The following PAX8 variants were observed in gnomAD, a reference collection of about 807,000 sequenced individuals.
PAX8 encodes the protein paired box 8, also known as paired box protein Pax-8.
PAX8 carries 15 observed loss-of-function variants against 52.4 expected under a neutral mutation model. The observed-to-expected ratio is 0.29, with a 90% confidence interval of 0.19 to 0.44. The LOEUF is 0.44. Ranked by LOEUF, PAX8 falls within the 20% of genes least tolerant of loss-of-function variation. PAX8 has a pLI of 1.00. For missense variants in PAX8, 554 were observed against 602.5 expected (o/e 0.92, Z 0.84); for synonymous variants, 284 against 249.7 (o/e 1.14, Z -1.29).
chr2:113,277,406 A>G (rs995424762), intron 2 of PAX8, among the ~76,000 whole-genome samples: 2 of 152,104 alleles, frequency 1.3e-5, no homozygotes, highest in Admixed American at 6.5e-5. Flanking sequence ...CCTTATTATA[A>G]CAAATGTCCC....
chr2:113,263,143 AC>A (rs1692811709), intron 2 of PAX8: 1 of 152,142 alleles, frequency 6.6e-6, no homozygotes, highest in East Asian at 1.9e-4. Flanking sequence ...CTAATAGCTT[AC>A]CCTCTTTTGG....
At chr2:113,272,724 T>G (rs962461467) in intron 2 of PAX8, 1 of 152,178 alleles carries the variant, frequency 6.6e-6, no homozygotes, top group African/African-American at 2.4e-5. Flanking sequence ...GCAGAATGTG[T>G]TAGCTCCCTC....
intron 2 of PAX8, among the ~76,000 whole-genome samples, chr2:113,254,392 A>G (rs1692029894): frequency 6.6e-6 from 1 of 152,152 alleles, no homozygotes; most frequent in African/African-American, 2.4e-5. Context: ...ACAGGGTGTA[A>G]TGGGGTGGGG....
intron 7 of PAX8, chr2:113,240,968 C>G (rs956310862): frequency 1.1e-5 from 2 of 186,844 alleles, no homozygotes; most frequent in Admixed American, 1.1e-4. Context: ...TGATTCATGT[C>G]GGAGGGGCAG....
intron 2 of PAX8, among the ~76,000 whole-genome samples, chr2:113,261,661 C>G (rs1183291846): frequency 6.6e-6 from 1 of 152,198 alleles, no homozygotes; most frequent in Non-Finnish European, 1.5e-5. Flanking sequence ...CACCTCATGG[C>G]AGAACCAAGA....
intron 9 of PAX8, among the ~76,000 whole-genome samples, chr2:113,233,664 T>G: frequency 1.4e-5 from 2 of 138,766 alleles, no homozygotes; most frequent in Admixed American, 7.6e-5. Flanking sequence ...GGCAACAGAG[T>G]GAGATTCCAT....
intron 10 of PAX8, chr2:113,225,846 G>C (rs1221113974): frequency 1.1e-6 from 1 of 946,896 alleles, no homozygotes; most frequent in African/African-American, 1.8e-5. Context: ...TGGAGACTGG[G>C]ATTTTGATTG....
At chr2:113,247,087 C>G (rs1427292259) in intron 2 of PAX8, among the ~76,000 whole-genome samples, 168 bp from the exon 3 acceptor site, 1 of 152,238 alleles carries the variant, frequency 6.6e-6, no homozygotes, top group African/African-American at 2.4e-5. Context: ...AGTTCTCACT[C>G]CCAAGATGCT....
At chr2:113,249,404 C>G (rs1437864689) in intron 2 of PAX8, among the ~76,000 whole-genome samples, 1 of 152,186 alleles carries the variant, frequency 6.6e-6, no homozygotes, top group Non-Finnish European at 1.5e-5. Context: ...AGCAGTCCAG[C>G]TTTGTCCTCA....
chr2:113,221,842 T>C (rs940790365), intron 10 of PAX8, among the ~76,000 whole-genome samples: 6 of 151,958 alleles, frequency 3.9e-5, no homozygotes, highest in Non-Finnish European at 7.4e-5. Flanking sequence ...TCTCCTTGTC[T>C]AGGAAGTCAA....
At chr2:113,224,910 G>A (rs1478506128) in intron 10 of PAX8, among the ~76,000 whole-genome samples, 6 of 151,622 alleles carry the variant, frequency 4.0e-5, no homozygotes, top group Non-Finnish European at 7.4e-5. Flanking sequence ...GAATAGACAA[G>A]GGAAATCTGT....
At chr2:113,275,093 G>A (rs902166645) in intron 2 of PAX8, 2 of 151,964 alleles carry the variant, frequency 1.3e-5, no homozygotes, top group African/African-American at 4.8e-5. Flanking sequence ...GTCCTTTTGG[G>A]GGTAGACTGA....
chr2:113,264,962 G>A (rs578128577), intron 2 of PAX8, among the ~76,000 whole-genome samples: 51 of 152,326 alleles, frequency 3.3e-4, no homozygotes, highest in Middle Eastern at 3.4e-3. Flanking sequence ...AATAGGCCAC[G>A]GAGGTAGGAG....
chr2:113,266,336 C>T (rs1444990132), intron 2 of PAX8: 1 of 152,196 alleles, frequency 6.6e-6, no homozygotes, highest in African/African-American at 2.4e-5. Flanking sequence ...ACCAGCCTTT[C>T]TGTGTGTGTC....
At chr2:113,218,838 C>G (rs188505994) in intron 11 of PAX8, among the ~76,000 whole-genome samples, 2 of 152,206 alleles carry the variant, frequency 1.3e-5, no homozygotes, top group African/African-American at 4.8e-5. Context: ...GCCCCTTCCC[C>G]CTATGGCTGC....
rs991230011 is a variant in PAX8, at chr2:113,256,652, G to T, written c.26-9733C>A. 9.5e-4 allele frequency among the ~76,000 whole-genome samples: 91 copies of T among 95,414 alleles called. 2 individuals are homozygous for T. The highest frequency in any genetic ancestry group is 3.9e-3 in the African/African-American group (85 of 21,866). The allele number at this position is 95,414 out of a possible 152,430, so 62.6% of individuals were successfully genotyped here. ...TATATGTGTGTGTGTGTGTGTGTGTGTGTATATATATATATAGAATAACAC... is the reference window on the plus strand; with the variant it reads ...TATATGTGTGTGTGTGTGTGTGTGTTTGTATATATATATATAGAATAACAC... On this transcript the variant is annotated intron_variant, in intron 2 of 11. Coordinates refer to ENST00000429538, the MANE Select transcript of PAX8 (RefSeq NM_003466.4).
At chr2:113,272,256 C>T (rs995998507) in intron 2 of PAX8, 1 of 152,186 alleles carries the variant, frequency 6.6e-6, no homozygotes, top group African/African-American at 2.4e-5. Context: ...ACCAGCCAAG[C>T]AAGGTAAAGC....
Position 113,236,688 on chromosome 2 carries a change from G to T in PAX8, c.811C>A (p.Leu271Met). The change falls in exon 8 of 12, where the codon CTG (leucine) becomes ATG (methionine). Residue 271 changes from leucine (L) to methionine (M), a missense_variant. Physicochemically the swap from Leu to Met is conservative, Grantham distance 15 (BLOSUM62 2). Coordinates refer to ENST00000429538, the MANE Select transcript of PAX8 (RefSeq NM_003466.4). The stretch of plus-strand genomic sequence containing the variant: ...GTCAGGGTGGCCTTCCCGTCGTCCA[G>T]GGTGCTGTTGAGCAAGGGCAGCGGG... ...LYPLPLLNST[L>M]DDGKATLTPS... 6.3e-7 allele frequency: 1 copy of T among 1,584,840 alleles called. No homozygotes were observed.
chr2:113,225,158 T>C (rs1689491228), intron 10 of PAX8, among the ~76,000 whole-genome samples: 1 of 152,228 alleles, frequency 6.6e-6, no homozygotes, highest in Admixed American at 6.5e-5. Flanking sequence ...AGGGTAAAAT[T>C]AGAAATAAAG....
Sources: gnomAD v4.1 joint callset for allele counts (sites outside exome capture counted in the v4.1 genomes callset) on GRCh38, gnomAD v4.1.1 for gene constraint, MANE v1.5 for transcripts, NCBI Gene and HGNC (gene_info 2026-07-23, HGNC 2026-07-21) for gene names.